The following DCAF1 variants were observed in gnomAD, a reference collection of about 807,000 sequenced individuals.
The protein encoded by DCAF1 is DDB1 and CUL4 associated factor 1.
A neutral mutation model predicts 128.0 loss-of-function variants in DCAF1; 15 were observed. The ratio of observed to expected loss-of-function variants is 0.12; its 90% CI spans 0.08 to 0.18. DCAF1 has a LOEUF of 0.18. Among genes scored for constraint, DCAF1 ranks in the 10% least tolerant of loss-of-function variants. DCAF1 has a pLI of 1.00. For synonymous variants in DCAF1, 610 were observed against 603.0 expected, an observed-to-expected ratio of 1.01 and a Z score of -0.17; for missense variants, 988 against 1,649.5, an observed-to-expected ratio of 0.60 and a Z score of 6.95.
chr3:51,489,838 GATA>G (rs1707422151), intron 2 of DCAF1, among the ~76,000 whole-genome samples: 3 of 4,252 alleles, frequency 7.1e-4, no homozygotes, highest in Non-Finnish European at 8.9e-4. Flanking sequence ...TGTGTATATA[GATA>G]GATAGATAGA....
At chr3:51,417,356 T>A (rs1403575284) in intron 17 of DCAF1, among the ~76,000 whole-genome samples, 1 of 151,604 alleles carries the variant, frequency 6.6e-6, no homozygotes, top group Non-Finnish European at 1.5e-5. Flanking sequence ...GAGGTGGAGG[T>A]TGCAGTAGGT....
chr3:51,434,406 T>A (rs1207338933), intron 9 of DCAF1, among the ~76,000 whole-genome samples: 2 of 152,106 alleles, frequency 1.3e-5, no homozygotes, highest in African/African-American at 2.4e-5. Flanking sequence ...ACCCTGTCAG[T>A]CAATCAGACA....
intron 6 of DCAF1, among the ~76,000 whole-genome samples, chr3:51,455,784 C>T (rs1424334755): frequency 1.3e-5 from 2 of 151,978 alleles, no homozygotes; most frequent in Non-Finnish European, 2.9e-5. Flanking sequence ...GTAGTCCCAG[C>T]TACTTGGGAG....
intron 1 of DCAF1, among the ~76,000 whole-genome samples, chr3:51,499,553 A>C (rs1373966509): frequency 6.6e-6 from 1 of 151,864 alleles, no homozygotes; most frequent in Non-Finnish European, 1.5e-5. Flanking sequence ...GGGAAATGAA[A>C]TGCGCCCCTC....
intron 4 of DCAF1, among the ~76,000 whole-genome samples, chr3:51,468,373 T>C (rs894422994): frequency 2.0e-5 from 3 of 152,262 alleles, no homozygotes; most frequent in Non-Finnish European, 4.4e-5. Flanking sequence ...GGTTTCACCA[T>C]GTTGGCCAAG....
intron 2 of DCAF1, among the ~76,000 whole-genome samples, chr3:51,484,815 T>G (rs1348130936): frequency 6.6e-6 from 1 of 151,034 alleles, no homozygotes; most frequent in Non-Finnish European, 1.5e-5. Flanking sequence ...CCCGAGTAGC[T>G]GGAATTACAG....
intron 9 of DCAF1, among the ~76,000 whole-genome samples, 166 bp downstream of exon 9, chr3:51,440,804 G>T (rs987449134): frequency 2.6e-5 from 4 of 152,006 alleles, no homozygotes; most frequent in African/African-American, 9.7e-5. Context: ...TACTCGGGAG[G>T]CTGAGGCAGG....
intron 3 of DCAF1, among the ~76,000 whole-genome samples, chr3:51,476,694 G>A (rs1204402032): frequency 6.6e-6 from 1 of 151,380 alleles, no homozygotes; most frequent in South Asian, 2.1e-4. Context: ...TGGCTAACAC[G>A]GTGAAACCCT....
At chr3:51,478,451 T>C (rs985934943) in intron 3 of DCAF1, among the ~76,000 whole-genome samples, 2 of 152,094 alleles carry the variant, frequency 1.3e-5, no homozygotes, top group African/African-American at 4.8e-5. Flanking sequence ...AAATAAAACA[T>C]TAAGTACTTT....
chr3:51,488,725 C>T (rs1221448870), intron 2 of DCAF1, among the ~76,000 whole-genome samples: 1 of 152,034 alleles, frequency 6.6e-6, no homozygotes, highest in African/African-American at 2.4e-5. Flanking sequence ...ATCGCTTGAA[C>T]ACAGGAGGCA....
At chr3:51,457,795 C>T (rs1703086465) in intron 6 of DCAF1, among the ~76,000 whole-genome samples, 1 of 152,160 alleles carries the variant, frequency 6.6e-6, no homozygotes, top group Non-Finnish European at 1.5e-5. Flanking sequence ...AACCCAGAAT[C>T]TCATATCCAG....
intron 2 of DCAF1, among the ~76,000 whole-genome samples, chr3:51,488,802 AC>A (rs1707281250): frequency 6.6e-6 from 1 of 151,460 alleles, no homozygotes; most frequent in South Asian, 2.1e-4. Flanking sequence ...AACTCCGTCT[AC>A]AAAAAAAAAA....
Position 51,419,833 on chromosome 3 carries a change from G to A in DCAF1, c.3137C>T (p.Ala1046Val), listed in dbSNP as rs782590152. The change falls in exon 15 of 25, where the codon GCG (alanine) becomes GTG (valine). Residue 1046 changes from alanine (A) to valine (V), a missense_variant. This residue lies in a region of DCAF1 where 105 missense variants were observed against 266.7 expected (regional missense o/e 0.39). Coordinates refer to ENST00000684031, the MANE Select transcript of DCAF1 (RefSeq NM_001387579.1). ...TAGCCTTGACGTAAAGTTTATTGGC[G>A]CTTGCCGCCTCTGTTTTGGCTCAGG... ...QCPEPKQRRQ[A>V]PINFTSRLNR... The A allele has an allele frequency of 2.5e-6, 4 of 1,613,952 alleles. No individual in the cohort carries two copies. The highest frequency in any genetic ancestry group is 2.2e-5 in the East Asian group (1 of 44,896).
In DCAF1 at chr3:51,419,962, G is replaced by A. The variant is rs782486639; in HGVS notation, c.3008C>T (p.Thr1003Met). 14 of 1,614,060 alleles carry A rather than the reference G, an allele frequency of 8.7e-6. No individual in the cohort carries two copies. Among genetic ancestry groups the A allele is most frequent in the South Asian group, 3.3e-5 (3 of 91,088 alleles). Residue 1003 changes from threonine (T) to methionine (M), a missense_variant, in exon 15 of 25, where the codon ACG becomes ATG. Physicochemically the swap from Thr to Met is moderately conservative, Grantham distance 81. Around this residue, in one of 11 missense-constraint regions of DCAF1, gnomAD observed 105 missense variants for 266.7 expected, o/e 0.39. Coordinates refer to ENST00000684031, the MANE Select transcript of DCAF1 (RefSeq NM_001387579.1). ...ATACTCTGTGATTATACTGTCCAGC[G>A]TAGGTGGGGAAGGAAGATGTCTGTC... ...QLDRHLPSPP[T>M]LDSIITEYLR... is the part of the protein sequence containing the mutation.
chr3:51,467,838 C>T (rs2108150202), intron 4 of DCAF1, among the ~76,000 whole-genome samples: 1 of 152,054 alleles, frequency 6.6e-6, no homozygotes, highest in East Asian at 1.9e-4. Flanking sequence ...ATAAAGGAAC[C>T]TAAGAGAGAG....
At chr3:51,440,039 C>T in intron 9 of DCAF1, 1 of 349,484 alleles carries the variant, frequency 2.9e-6, no homozygotes, top group South Asian at 2.2e-5. Context: ...CAGGTAATAT[C>T]TAAAAAGTAG....
chr3:51,415,400 T>A (rs1017310390), intron 18 of DCAF1, among the ~76,000 whole-genome samples: 1 of 152,058 alleles, frequency 6.6e-6, no homozygotes, highest in Admixed American at 6.6e-5. Context: ...GAGGCTGAGG[T>A]AAGAGGATTG....
intron 24 of DCAF1, among the ~76,000 whole-genome samples, chr3:51,399,957 A>G (rs933248581): frequency 6.6e-6 from 1 of 152,206 alleles, no homozygotes; most frequent in Admixed American, 6.5e-5. Flanking sequence ...ACAGAGAGCA[A>G]TCATGTTCCC....
intron 23 of DCAF1, among the ~76,000 whole-genome samples, chr3:51,410,776 T>C (rs374184731): frequency 2.0e-5 from 3 of 152,260 alleles, no homozygotes; most frequent in African/African-American, 7.2e-5. Flanking sequence ...GCAAGAGAGC[T>C]GTGGCAATGC....
Sources: allele counts gnomAD v4.1 joint callset (sites outside exome capture counted in the v4.1 genomes callset), GRCh38; gene constraint gnomAD v4.1.1; regional missense constraint gnomAD v4.1.1; transcripts MANE v1.5; gene names NCBI Gene and HGNC (gene_info 2026-07-23, HGNC 2026-07-21).